The following RFX3 variants were observed in gnomAD, a reference collection of about 807,000 sequenced individuals.
The protein encoded by RFX3 is regulatory factor X3.
Under a neutral mutation model 98.6 loss-of-function variants are expected in RFX3, and 14 were observed. The ratio of observed to expected loss-of-function variants is 0.14; its 90% CI spans 0.09 to 0.22. The LOEUF (loss-of-function observed/expected upper bound fraction) is 0.22. RFX3 is among the 10% of genes least tolerant of loss of function. RFX3 has a pLI of 1.00. For missense variants in RFX3, 639 were observed against 926.9 expected, an observed-to-expected ratio of 0.69 and a Z score of 4.03; for synonymous variants, 383 against 328.4, an observed-to-expected ratio of 1.17 and a Z score of -1.80.
At chr9:3,406,351 C>A (rs1841971162) in intron 1 of RFX3, among the ~76,000 whole-genome samples, 1 of 151,864 alleles carries the variant, frequency 6.6e-6, no homozygotes, top group African/African-American at 2.4e-5. Flanking sequence ...TCTTTCAGGT[C>A]TCAGGAGAAA....
chr9:3,479,839 TGAGATTTCTCTGAA>T (rs1849592798), intron 1 of RFX3, among the ~76,000 whole-genome samples: 3 of 152,176 alleles, frequency 2.0e-5, no homozygotes, highest in African/African-American at 7.2e-5. Flanking sequence ...CCCTATCTCT[TGAGATTTCTCTGAA>T]GAGACTCAGA....
intron 1 of RFX3, among the ~76,000 whole-genome samples, chr9:3,423,359 T>C (rs1482451934): frequency 1.3e-5 from 2 of 152,184 alleles, no homozygotes; most frequent in African/African-American, 4.8e-5. Context: ...ACTTTGTTCA[T>C]AATAGCTAAA....
chr9:3,277,844 G>T (rs983652234), intron 7 of RFX3, among the ~76,000 whole-genome samples: 13 of 151,906 alleles, frequency 8.6e-5, no homozygotes, highest in Non-Finnish European at 1.9e-4. Flanking sequence ...TGATCTAGGA[G>T]CTCAGGCCTG....
rs1209340429 is a variant in RFX3, at chr9:3,224,017, T to C, written c.*1025A>G. On this transcript the variant is annotated 3_prime_UTR_variant, in exon 17 of 17. Transcript: ENST00000617270. ...AATAGTTTTGAAGGAAATAACGTTATGTAGGTTGCTACATTCCTTGCATTC... is the reference window on the plus strand; with the variant it reads ...AATAGTTTTGAAGGAAATAACGTTACGTAGGTTGCTACATTCCTTGCATTC... 1.3e-5 allele frequency: 2 copies of C among 152,220 alleles called. No individual in the cohort carries two copies. The highest frequency in any genetic ancestry group is 1.9e-4 in the East Asian group (1 of 5,202). The allele number at this position is 152,220 out of a possible 1,614,324, so 9.4% of individuals were successfully genotyped here. A position where few individuals can be genotyped will look rare whatever the true frequency, so the allele number is the denominator to read the frequency against.
At chr9:3,488,956 A>G in intron 1 of RFX3, 1 of 870,700 alleles carries the variant, frequency 1.1e-6, no homozygotes, top group Non-Finnish European at 1.4e-6. Context: ...GTGAAGACTG[A>G]TGGATTCTAT....
chr9:3,505,100 GATTT>G (rs1333702560), intron 1 of RFX3, among the ~76,000 whole-genome samples: 8 of 86,708 alleles, frequency 9.2e-5, no homozygotes, highest in Admixed American at 1.8e-4. Context: ...TATATATTTA[GATTT>G]ATTTTATATT....
chr9:3,349,557 T>C (rs1834846289), intron 2 of RFX3, among the ~76,000 whole-genome samples: 1 of 152,094 alleles, frequency 6.6e-6, no homozygotes, highest in African/African-American at 2.4e-5. Context: ...CTTTCACCCC[T>C]GCTGCTTCTA....
At chr9:3,318,686 T>G (rs1830912948) in intron 4 of RFX3, among the ~76,000 whole-genome samples, 1 of 152,176 alleles carries the variant, frequency 6.6e-6, no homozygotes, top group African/African-American at 2.4e-5. Flanking sequence ...TCCTTTCTAT[T>G]CACTGATAAT....
chr9:3,420,996 A>T, intron 1 of RFX3: 1 of 601,788 alleles, frequency 1.7e-6, no homozygotes, highest in Non-Finnish European at 2.1e-6. Flanking sequence ...GGACTCTCAG[A>T]GATAAATATT....
intron 1 of RFX3, among the ~76,000 whole-genome samples, chr9:3,464,277 C>T (rs1847993160): frequency 6.6e-6 from 1 of 152,182 alleles, no homozygotes; most frequent in South Asian, 2.1e-4. Context: ...TCGCTTTGTA[C>T]ACATTTATCC....
rs573691713 is a variant in RFX3, at chr9:3,256,841, G to A, written c.1814+150C>T. The A allele has an allele frequency of 7.3e-4, 505 of 695,712 alleles. 1 individual carries two copies. Among genetic ancestry groups the A allele is most frequent in the Non-Finnish European group, 7.1e-4 (285 of 403,986 alleles). The allele number at this position is 695,712 out of a possible 1,614,324, so 43.1% of individuals were successfully genotyped here. On this transcript the variant is annotated intron_variant, in intron 14 of 16. Transcript: ENST00000617270. ...ATTTCCATGGTGTTGTAATCACTGA[G>A]TTGGGTTGAAGGTAGTTGTAACAGG...
chr9:3,306,014 T>G (rs1829272367), intron 4 of RFX3, among the ~76,000 whole-genome samples: 1 of 152,068 alleles, frequency 6.6e-6, no homozygotes, highest in Non-Finnish European at 1.5e-5. Context: ...GTTCATTCAT[T>G]AGGAAAAATT....
At chr9:3,278,931 G>A (rs1825583163) in intron 7 of RFX3, among the ~76,000 whole-genome samples, 1 of 151,836 alleles carries the variant, frequency 6.6e-6, no homozygotes, top group Non-Finnish European at 1.5e-5. Flanking sequence ...TTTCTAATGA[G>A]AGAAAAGAAC....
intron 5 of RFX3, among the ~76,000 whole-genome samples, chr9:3,296,881 A>G (rs146717347): frequency 0.011 from 1,600 of 152,244 alleles, 16 homozygotes; most frequent in African/African-American, 0.021. Flanking sequence ...ATTTAAAAGG[A>G]TCCACCAGAC....
intron 1 of RFX3, among the ~76,000 whole-genome samples, chr9:3,516,920 T>A (rs1490005379): frequency 6.6e-6 from 1 of 152,124 alleles, no homozygotes; most frequent in East Asian, 1.9e-4. Context: ...CCTATGTGGG[T>A]GAGAAAATGA....
At chr9:3,336,583 C>T (rs571987820) in intron 3 of RFX3, among the ~76,000 whole-genome samples, 2 of 152,144 alleles carry the variant, frequency 1.3e-5, no homozygotes, top group Non-Finnish European at 2.9e-5. Flanking sequence ...TACAAAAACT[C>T]ATAACATAGC....
At chr9:3,380,940 A>G (rs977324890) in intron 2 of RFX3, among the ~76,000 whole-genome samples, 1 of 152,080 alleles carries the variant, frequency 6.6e-6, no homozygotes, top group Non-Finnish European at 1.5e-5. Context: ...TTTTCCCATG[A>G]TAAAGTTTCT....
At chr9:3,263,524 TC>T (rs1823191976) in intron 12 of RFX3, among the ~76,000 whole-genome samples, 1 of 152,282 alleles carries the variant, frequency 6.6e-6, no homozygotes, top group African/African-American at 2.4e-5. Context: ...ATCTGGACAT[TC>T]CTACTCTTTA....
chr9:3,524,864 CACACACACACA>C (rs1564205420), intron 1 of RFX3, among the ~76,000 whole-genome samples: 29 of 138,472 alleles, frequency 2.1e-4, no homozygotes, highest in African/African-American at 7.8e-4. Context: ...CACACACACA[CACACACACACA>C]CACCAAAGAA....
Sources: allele counts gnomAD v4.1 joint callset (sites outside exome capture counted in the v4.1 genomes callset), GRCh38; gene constraint gnomAD v4.1.1; transcripts MANE v1.5; gene names NCBI Gene and HGNC (gene_info 2026-07-23, HGNC 2026-07-21).